The following MIR2052HG variants were observed in gnomAD, a reference collection of about 807,000 sequenced individuals.
The protein encoded by MIR2052HG is MIR2052 host gene.
intron 2 of MIR2052HG, among the ~76,000 whole-genome samples, chr8:74,624,001 A>G (rs917552167): frequency 6.6e-6 from 1 of 152,222 alleles, no homozygotes; most frequent in Non-Finnish European, 1.5e-5. Context: ...ATTCCCTTTT[A>G]CATTTGGCAT....
chr8:74,754,618 C>G (rs541262984), intron 5 of MIR2052HG, among the ~76,000 whole-genome samples: 2 of 152,166 alleles, frequency 1.3e-5, no homozygotes, highest in Non-Finnish European at 2.9e-5. Flanking sequence ...CTGTGAAGCT[C>G]TTGCTTTAGA....
chr8:74,754,038 G>C (rs1809975084), intron 5 of MIR2052HG, among the ~76,000 whole-genome samples: 1 of 152,152 alleles, frequency 6.6e-6, no homozygotes, highest in African/African-American at 2.4e-5. Context: ...CATGAGCTCT[G>C]AATCAGCCTT....
intron 1 of MIR2052HG, among the ~76,000 whole-genome samples, chr8:74,605,935 T>C (rs910313409): frequency 1.3e-5 from 2 of 152,224 alleles, no homozygotes; most frequent in Non-Finnish European, 1.5e-5. Flanking sequence ...TAAGAGTCTG[T>C]TGATTTAGCC....
chr8:74,662,209 A>C (rs998551767), intron 2 of MIR2052HG, among the ~76,000 whole-genome samples: 1 of 152,198 alleles, frequency 6.6e-6, no homozygotes, highest in Non-Finnish European at 1.5e-5. Flanking sequence ...AATGGTCAGA[A>C]GTTGACTTGA....
At chr8:74,602,508 TTTTC>T (rs1175725168) in intron 1 of MIR2052HG, among the ~76,000 whole-genome samples, 2 of 151,368 alleles carry the variant, frequency 1.3e-5, no homozygotes, top group Non-Finnish European at 1.5e-5. Context: ...CTTGTGTTTC[TTTTC>T]TTTCTTTCTT....
chr8:74,711,037 T>C (rs775305953), intron 4 of MIR2052HG, among the ~76,000 whole-genome samples: 11 of 152,192 alleles, frequency 7.2e-5, no homozygotes, highest in African/African-American at 1.2e-4. Flanking sequence ...TAGTGGTCCC[T>C]ACTTTTGACA....
intron 2 of MIR2052HG, among the ~76,000 whole-genome samples, chr8:74,652,798 T>C (rs1011480655): frequency 1.3e-5 from 2 of 152,178 alleles, no homozygotes; most frequent in Non-Finnish European, 1.5e-5. Context: ...TTATGTGAAC[T>C]GGCCACCAAC....
At chr8:74,710,203 G>A (rs1228782023) in intron 4 of MIR2052HG, among the ~76,000 whole-genome samples, 1 of 152,134 alleles carries the variant, frequency 6.6e-6, no homozygotes, top group African/African-American at 2.4e-5. Flanking sequence ...GAAGGAGTAA[G>A]CAGGCATAAC....
At chr8:74,746,495 T>C (rs1039792087) in intron 4 of MIR2052HG, among the ~76,000 whole-genome samples, 2 of 151,580 alleles carry the variant, frequency 1.3e-5, no homozygotes, top group Non-Finnish European at 2.9e-5. Flanking sequence ...CAATATGTTA[T>C]AAGAAAGGGA....
chr8:74,602,235 C>T (rs1413222329), intron 1 of MIR2052HG, among the ~76,000 whole-genome samples: 1 of 152,200 alleles, frequency 6.6e-6, no homozygotes, highest in Non-Finnish European at 1.5e-5. Flanking sequence ...CTTTGATCAT[C>T]CTCACTGCTT....
chr8:74,739,608 C>T (rs1300261981), intron 4 of MIR2052HG, among the ~76,000 whole-genome samples: 1 of 152,006 alleles, frequency 6.6e-6, no homozygotes, highest in Non-Finnish European at 1.5e-5. Context: ...AATGTCTTCA[C>T]TGATTGAAAA....
chr8:74,683,901 G>A (rs1389596163), intron 2 of MIR2052HG, among the ~76,000 whole-genome samples: 4 of 152,030 alleles, frequency 2.6e-5, no homozygotes, highest in East Asian at 1.9e-4. Context: ...ACTTCAGTAT[G>A]TGACAATTCA....
At chr8:74,672,522 C>T (rs1211557639) in intron 2 of MIR2052HG, among the ~76,000 whole-genome samples, 1 of 152,022 alleles carries the variant, frequency 6.6e-6, no homozygotes, top group Non-Finnish European at 1.5e-5. Flanking sequence ...TTCCTGTGAA[C>T]AGTTTCTGAG....
chr8:74,710,242 G>C (rs549696885), intron 4 of MIR2052HG, among the ~76,000 whole-genome samples: 23 of 152,152 alleles, frequency 1.5e-4, no homozygotes, highest in African/African-American at 5.5e-4. Flanking sequence ...AGTGGGTCAG[G>C]GATGTTCAGT....
intron 2 of MIR2052HG, among the ~76,000 whole-genome samples, chr8:74,619,576 A>T (rs1190966771): frequency 6.6e-6 from 1 of 152,200 alleles, no homozygotes; most frequent in South Asian, 2.1e-4. Flanking sequence ...AAGCAGGCAC[A>T]TTCTTCACAG....
intron 2 of MIR2052HG, among the ~76,000 whole-genome samples, chr8:74,683,937 T>C (rs1809152277): frequency 6.6e-6 from 1 of 152,070 alleles, no homozygotes; most frequent in South Asian, 2.1e-4. Context: ...GTCCTGGTGG[T>C]ACCTTCTAAA....
intron 4 of MIR2052HG, among the ~76,000 whole-genome samples, chr8:74,738,883 C>G (rs1424945092): frequency 1.3e-5 from 2 of 152,180 alleles, no homozygotes; most frequent in Non-Finnish European, 2.9e-5. Flanking sequence ...TGCCTCTGAT[C>G]TAAGAGGATG....
chr8:74,660,739 G>T (rs776205273), intron 2 of MIR2052HG, among the ~76,000 whole-genome samples: 1 of 152,082 alleles, frequency 6.6e-6, no homozygotes, highest in Non-Finnish European at 1.5e-5. Context: ...CAAGGGATGT[G>T]CCTTTGGAGA....
intron 2 of MIR2052HG, among the ~76,000 whole-genome samples, chr8:74,645,381 G>A (rs1481548642): frequency 6.6e-6 from 1 of 152,018 alleles, no homozygotes; most frequent in African/African-American, 2.4e-5. Context: ...CGCCTCCCAG[G>A]TTCAAGCAAT....
Sources: allele counts gnomAD v4.1 joint callset (sites outside exome capture counted in the v4.1 genomes callset), GRCh38; gene constraint gnomAD v4.1.1; transcripts MANE v1.5; gene names NCBI Gene and HGNC (gene_info 2026-07-23, HGNC 2026-07-21).